The following CPQ variants were observed in gnomAD, a reference collection of about 807,000 sequenced individuals.
CPQ encodes carboxypeptidase Q.
In CPQ, 37 loss-of-function variants were observed where a neutral mutation model predicts 45.7. That is an observed-to-expected ratio of 0.81 (90% CI 0.62 to 1.07). The LOEUF is 1.07. Among genes scored for constraint, CPQ ranks in the 50% least tolerant of loss-of-function variants. CPQ has a pLI of 0.00. For synonymous variants in CPQ, 186 were observed against 205.8 expected (o/e 0.90, Z 0.82); for missense variants, 537 against 572.9 (o/e 0.94, Z 0.64).
chr8:96,825,871 C>T (rs1226576566), intron 2 of CPQ, among the ~76,000 whole-genome samples: 1 of 152,010 alleles, frequency 6.6e-6, no homozygotes, highest in Non-Finnish European at 1.5e-5. Context: ...GTTATTTTAG[C>T]CCTCTAATAT....
At chr8:96,652,388 C>T (rs567791891) in intron 1 of CPQ, among the ~76,000 whole-genome samples, 2 of 152,152 alleles carry the variant, frequency 1.3e-5, no homozygotes, top group South Asian at 2.1e-4. Context: ...ATGGACACTT[C>T]GGTTGATTCT....
intron 1 of CPQ, among the ~76,000 whole-genome samples, chr8:96,725,567 T>C (rs915235532): frequency 2.0e-5 from 3 of 152,050 alleles, no homozygotes; most frequent in Admixed American, 2.0e-4. Context: ...TTGCCATTAT[T>C]AAAAGACAAA....
intron 1 of CPQ, among the ~76,000 whole-genome samples, chr8:96,770,119 A>G (rs939156739): frequency 3.3e-5 from 5 of 152,154 alleles, no homozygotes; most frequent in Non-Finnish European, 7.4e-5. Flanking sequence ...GGGACACAAA[A>G]TGAGTTAGCC....
intron 1 of CPQ, among the ~76,000 whole-genome samples, chr8:96,651,816 GTTC>G (rs2130703964): frequency 6.6e-6 from 1 of 152,016 alleles, no homozygotes; most frequent in African/African-American, 2.4e-5. Flanking sequence ...GCATTAATAA[GTTC>G]TTTTTTATTT....
intron 6 of CPQ, among the ~76,000 whole-genome samples, chr8:97,032,438 A>G (rs1390864785): frequency 6.6e-6 from 1 of 152,220 alleles, no homozygotes; most frequent in Non-Finnish European, 1.5e-5. Context: ...AGAACTAGTC[A>G]TGTAGTCCAA....
intron 7 of CPQ, among the ~76,000 whole-genome samples, chr8:97,128,153 C>T (rs1811877989): frequency 6.6e-6 from 1 of 152,208 alleles, no homozygotes; most frequent in Non-Finnish European, 1.5e-5. Flanking sequence ...ACTTACTGTT[C>T]TCTAGCTCTT....
chr8:97,021,967 T>A (rs1809695722), intron 5 of CPQ, among the ~76,000 whole-genome samples: 1 of 152,136 alleles, frequency 6.6e-6, no homozygotes, highest in Admixed American at 6.6e-5. Context: ...GGTGTCACAT[T>A]ACCTGATTAC....
intron 2 of CPQ, among the ~76,000 whole-genome samples, chr8:96,788,480 A>T (rs2130812274): frequency 6.6e-6 from 1 of 152,098 alleles, no homozygotes; most frequent in South Asian, 2.1e-4. Context: ...TGTTTTGATG[A>T]GATGTCAGCT....
At chr8:96,817,472 G>A (rs576238344) in intron 2 of CPQ, among the ~76,000 whole-genome samples, 1 of 152,230 alleles carries the variant, frequency 6.6e-6, no homozygotes, top group South Asian at 2.1e-4. Flanking sequence ...AAGAGAGTTA[G>A]GGCTTTCCTC....
intron 6 of CPQ, among the ~76,000 whole-genome samples, chr8:97,054,491 G>A (rs1026227440): frequency 1.3e-5 from 2 of 152,144 alleles, no homozygotes; most frequent in African/African-American, 2.4e-5. Context: ...TCACAGCATG[G>A]TTCACAATTG....
chr8:97,007,475 G>C (rs997999876), intron 5 of CPQ, among the ~76,000 whole-genome samples: 2 of 152,214 alleles, frequency 1.3e-5, no homozygotes, highest in African/African-American at 4.8e-5. Context: ...AAAACTGACA[G>C]TGTCTGTAGC....
rs183538387 is a variant in CPQ at position 97,113,250 on chromosome 8, G to A, written c.1256-29770G>A. 5.2e-3 allele frequency among the ~76,000 whole-genome samples: 793 copies of A among 152,248 alleles called. 3 individuals carry two copies. Among genetic ancestry groups the A allele is most frequent in the Non-Finnish European group, 7.9e-3 (538 of 68,018 alleles). ...TTTTTTTGTTTTTGAGACAAGTCCTGTGCTGTCGCCCAGGCTGGAACCTCA... is the reference window on the plus strand; with the variant it reads ...TTTTTTTGTTTTTGAGACAAGTCCTATGCTGTCGCCCAGGCTGGAACCTCA... On this transcript the variant is annotated intron_variant, in intron 7 of 7. Transcript: ENST00000220763.
chr8:96,866,014 T>C (rs1231797546), intron 3 of CPQ, among the ~76,000 whole-genome samples: 4 of 152,070 alleles, frequency 2.6e-5, no homozygotes, highest in Non-Finnish European at 4.4e-5. Context: ...GATGAAATGG[T>C]TGTACTTAGA....
chr8:96,949,110 G>A (rs912244908), intron 4 of CPQ, among the ~76,000 whole-genome samples: 1 of 152,004 alleles, frequency 6.6e-6, no homozygotes, highest in Non-Finnish European at 1.5e-5. Context: ...CTATGTCTTT[G>A]GATTGGGAAT....
At chr8:96,956,909 T>C (rs1407680926) in intron 4 of CPQ, among the ~76,000 whole-genome samples, 1 of 152,152 alleles carries the variant, frequency 6.6e-6, no homozygotes, top group Non-Finnish European at 1.5e-5. Flanking sequence ...AAGCTAGAGG[T>C]ACTGTGCTTG....
chr8:97,092,608 T>A (rs1811144680), intron 7 of CPQ: 1 of 152,208 alleles, frequency 6.6e-6, no homozygotes, highest in Non-Finnish European at 1.5e-5. Context: ...CTGGGATAAC[T>A]GACTAGCCAT....
chr8:96,655,902 C>T (rs1815632517), intron 1 of CPQ, among the ~76,000 whole-genome samples: 1 of 152,124 alleles, frequency 6.6e-6, no homozygotes, highest in Non-Finnish European at 1.5e-5. Flanking sequence ...CAGCTTCCTC[C>T]TGAGTGCAGT....
At chr8:97,127,563 C>A (rs1306805919) in intron 7 of CPQ, among the ~76,000 whole-genome samples, 1 of 152,058 alleles carries the variant, frequency 6.6e-6, no homozygotes, top group Non-Finnish European at 1.5e-5. Context: ...GTGGCACGCA[C>A]CTGTAGTCCC....
At chr8:96,724,522 CA>C (rs1563479943) in intron 1 of CPQ, among the ~76,000 whole-genome samples, 16 of 151,842 alleles carry the variant, frequency 1.1e-4, no homozygotes, top group Non-Finnish European at 1.8e-4. Context: ...CACACACACA[CA>C]CACCCCTAGG....
Sources: gnomAD v4.1 joint callset for allele counts (sites outside exome capture counted in the v4.1 genomes callset) on GRCh38, gnomAD v4.1.1 for gene constraint, MANE v1.5 for transcripts, NCBI Gene and HGNC (gene_info 2026-07-23, HGNC 2026-07-21) for gene names.